Variants in HS6ST3 observed in about 807,000 individuals in gnomAD.
HS6ST3 encodes heparan-sulfate 6-O-sulfotransferase 3.
A neutral mutation model predicts 36.7 loss-of-function variants in HS6ST3; 12 were observed. The ratio of observed to expected loss-of-function variants is 0.33; its 90% CI spans 0.21 to 0.53. HS6ST3 has a LOEUF of 0.53. Among genes scored for constraint, HS6ST3 ranks in the 20% least tolerant of loss-of-function variants. HS6ST3 has a pLI of 0.95. For synonymous variants in HS6ST3, 240 were observed against 257.5 expected (o/e 0.93, Z 0.65); for missense variants, 584 against 640.9 (o/e 0.91, Z 0.96).
chr13:96,511,916 T>C (rs149388148), intron 1 of HS6ST3, among the ~76,000 whole-genome samples: 1 of 152,310 alleles, frequency 6.6e-6, no homozygotes, highest in African/African-American at 2.4e-5. Context: ...AGTTTTACTT[T>C]TATCCAGATA....
At chr13:96,500,226 T>C (rs1034262985) in intron 1 of HS6ST3, among the ~76,000 whole-genome samples, 8 of 152,168 alleles carry the variant, frequency 5.3e-5, no homozygotes, top group Admixed American at 2.6e-4. Flanking sequence ...CATAATGTCT[T>C]CAAGGCTCAT....
chr13:96,523,569 C>T (rs1230089782), intron 1 of HS6ST3, among the ~76,000 whole-genome samples: 6 of 152,036 alleles, frequency 3.9e-5, no homozygotes, highest in Non-Finnish European at 7.4e-5. Flanking sequence ...CATTTCCTTT[C>T]ACTCTTTTTT....
In HS6ST3 at chr13:96,369,641, G is replaced by A. The variant is rs114305928; in HGVS notation, c.707+278072G>A. Among the ~76,000 whole-genome samples, 1,109 of 152,264 alleles carry A rather than the reference G, an allele frequency of 7.3e-3. 14 individuals are homozygous for A. Among genetic ancestry groups the A allele is most frequent in the African/African-American group, 0.025 (1,058 of 41,552 alleles). The stretch of plus-strand genomic sequence containing the variant: ...CACCTGAGTAGCAGACACACAACAA[G>A]ACTGATGAGCACAAGGGTGAGGATG... On this transcript the variant is annotated intron_variant, in intron 1 of 1. Coordinates refer to ENST00000376705, the MANE Select transcript of HS6ST3 (RefSeq NM_153456.4).
intron 1 of HS6ST3, among the ~76,000 whole-genome samples, chr13:96,443,614 A>G (rs998234266): frequency 1.3e-5 from 2 of 151,750 alleles, no homozygotes; most frequent in African/African-American, 2.4e-5. Context: ...ACAAATTTCT[A>G]TTTAAAATGG....
At chr13:96,590,931 A>G (rs2056379870) in intron 1 of HS6ST3, among the ~76,000 whole-genome samples, 1 of 152,038 alleles carries the variant, frequency 6.6e-6, no homozygotes, top group East Asian at 1.9e-4. Context: ...ATCAAGTACC[A>G]TTTATTGAAG....
chr13:96,778,578 A>C (rs2138512386), intron 1 of HS6ST3, among the ~76,000 whole-genome samples: 1 of 152,348 alleles, frequency 6.6e-6, no homozygotes, highest in East Asian at 1.9e-4. Context: ...AAAAATCATC[A>C]TCACTGGTCA....
At chr13:96,263,157 A>G (rs1207077437) in intron 1 of HS6ST3, among the ~76,000 whole-genome samples, 2 of 152,222 alleles carry the variant, frequency 1.3e-5, no homozygotes, top group South Asian at 2.1e-4. Context: ...ATGTGAAAAT[A>G]TATGTGAATT....
chr13:96,608,655 C>T (rs2056447098), intron 1 of HS6ST3, among the ~76,000 whole-genome samples: 1 of 152,130 alleles, frequency 6.6e-6, no homozygotes. Context: ...GAGGAGGACC[C>T]TGTAGATTAA....
chr13:96,685,172 A>G (rs1047374744), intron 1 of HS6ST3, among the ~76,000 whole-genome samples: 7 of 152,074 alleles, frequency 4.6e-5, no homozygotes, highest in Admixed American at 6.6e-5. Flanking sequence ...CATGATTTCA[A>G]AACAAACCAG....
intron 1 of HS6ST3, among the ~76,000 whole-genome samples, chr13:96,103,318 C>T (rs2849439): frequency 0.82 from 124,577 of 152,130 alleles, 51,388 homozygotes; most frequent in East Asian, 0.92. Context: ...AATCAGGCAA[C>T]CAGGATTTGA....
chr13:96,808,065 C>G, intron 1 of HS6ST3, among the ~76,000 whole-genome samples: 1 of 152,170 alleles, frequency 6.6e-6, no homozygotes, highest in Non-Finnish European at 1.5e-5. Context: ...TTTGTTTTGA[C>G]TGGACGGTGC....
chr13:96,364,807 C>G (rs565922673), intron 1 of HS6ST3, among the ~76,000 whole-genome samples: 7 of 152,198 alleles, frequency 4.6e-5, no homozygotes, highest in African/African-American at 1.4e-4. Flanking sequence ...GGAGGGAATA[C>G]TATTGGAAGA....
intron 1 of HS6ST3, among the ~76,000 whole-genome samples, chr13:96,100,254 G>A (rs1388127107): frequency 6.6e-6 from 1 of 152,066 alleles, no homozygotes; most frequent in Non-Finnish European, 1.5e-5. Context: ...TGGAGGTCGA[G>A]TATATTTAAG....
intron 1 of HS6ST3, among the ~76,000 whole-genome samples, chr13:96,162,207 G>A (rs567655985): frequency 9.2e-5 from 14 of 152,262 alleles, no homozygotes; most frequent in African/African-American, 3.1e-4. Context: ...TTTAAGTGAC[G>A]TGGTAGACGG....
chr13:96,572,556 T>A (rs1464483159), intron 1 of HS6ST3, among the ~76,000 whole-genome samples: 1 of 152,178 alleles, frequency 6.6e-6, no homozygotes, highest in African/African-American at 2.4e-5. Context: ...TTTCTTATTT[T>A]ACTTCAAAAT....
At chr13:96,397,010 CCTGA>C (rs1162772327) in intron 1 of HS6ST3, among the ~76,000 whole-genome samples, 6 of 152,106 alleles carry the variant, frequency 3.9e-5, no homozygotes, top group Non-Finnish European at 8.8e-5. Context: ...TCGAGATCAG[CCTGA>C]CTAACATGGT....
At chr13:96,465,801 T>A (rs1008282911) in intron 1 of HS6ST3, among the ~76,000 whole-genome samples, 13 of 152,282 alleles carry the variant, frequency 8.5e-5, no homozygotes, top group Non-Finnish European at 1.2e-4. Context: ...CTCAATAAAT[T>A]TAAAAATGAA....
intron 1 of HS6ST3, among the ~76,000 whole-genome samples, chr13:96,391,988 C>T (rs1486570497): frequency 5.9e-5 from 9 of 152,302 alleles, no homozygotes; most frequent in African/African-American, 1.9e-4. Context: ...AGATGTTGAA[C>T]AAATGTTTAG....
chr13:96,554,625 A>G (rs535171814), intron 1 of HS6ST3, among the ~76,000 whole-genome samples: 2 of 152,244 alleles, frequency 1.3e-5, no homozygotes, highest in East Asian at 1.9e-4. Flanking sequence ...ATTTTCATCT[A>G]CCACTGAGCA....
Sources: allele counts gnomAD v4.1 joint callset (sites outside exome capture counted in the v4.1 genomes callset), GRCh38; gene constraint gnomAD v4.1.1; transcripts MANE v1.5; gene names NCBI Gene and HGNC (gene_info 2026-07-23, HGNC 2026-07-21).